The following TTC39B variants were observed in gnomAD, a reference collection of about 807,000 sequenced individuals.
TTC39B encodes the protein tetratricopeptide repeat protein 39B.
In TTC39B, 92 loss-of-function variants were observed where a neutral mutation model predicts 96.6. The ratio of observed to expected loss-of-function variants is 0.95; its 90% CI spans 0.80 to 1.13. TTC39B has a LOEUF of 1.13. TTC39B is among the 50% of genes most tolerant of loss of function. The pLI, the probability that TTC39B is intolerant of heterozygous loss-of-function variation, is 0.00. For missense variants in TTC39B, 955 were observed against 809.3 expected, an observed-to-expected ratio of 1.18 and a Z score of -2.18; for synonymous variants, 367 against 299.4, an observed-to-expected ratio of 1.23 and a Z score of -2.33.
At chr9:15,260,385 G>A (rs1822901353) in intron 2 of TTC39B, among the ~76,000 whole-genome samples, 1 of 150,022 alleles carries the variant, frequency 6.7e-6, no homozygotes, top group South Asian at 2.1e-4. Context: ...ATTAAGAGAG[G>A]ACAAAACTCC....
chr9:15,284,924 C>G (rs1315965107), intron 1 of TTC39B, among the ~76,000 whole-genome samples: 2 of 152,044 alleles, frequency 1.3e-5, no homozygotes, highest in African/African-American at 4.8e-5. Context: ...AAAATTCAAG[C>G]CAATTAAGGT....
At chr9:15,210,348 G>C (rs1348140599) in intron 5 of TTC39B, among the ~76,000 whole-genome samples, 184 bp from the exon 6 acceptor site, 2 of 152,212 alleles carry the variant, frequency 1.3e-5, no homozygotes, top group African/African-American at 4.8e-5. Flanking sequence ...GCACTGGCTA[G>C]CCATTTGTGG....
At chr9:15,215,155 A>G (rs908652412) in intron 3 of TTC39B, among the ~76,000 whole-genome samples, 5 of 152,048 alleles carry the variant, frequency 3.3e-5, no homozygotes, top group African/African-American at 1.2e-4. Flanking sequence ...CAGGCATTGC[A>G]GTGGGAGGAT....
intron 2 of TTC39B, among the ~76,000 whole-genome samples, chr9:15,240,902 C>G (rs1564379735): frequency 6.6e-6 from 1 of 152,108 alleles, no homozygotes; most frequent in Non-Finnish European, 1.5e-5. Flanking sequence ...CTATTATATT[C>G]CTGAACTGCT....
chr9:15,164,933 A>T (rs1428983566), exon 20 of TTC39B: 1 of 152,274 alleles, frequency 6.6e-6, no homozygotes. Context: ...CCTAAGATTT[A>T]AAATGTTTAC....
intron 1 of TTC39B, among the ~76,000 whole-genome samples, chr9:15,285,078 G>A: frequency 6.6e-6 from 1 of 151,922 alleles, no homozygotes; most frequent in East Asian, 1.9e-4. Flanking sequence ...TGGCTAACAC[G>A]GTGAAACCCC....
At chr9:15,236,763 C>A (rs935993118) in intron 2 of TTC39B, among the ~76,000 whole-genome samples, 1 of 152,100 alleles carries the variant, frequency 6.6e-6, no homozygotes, top group African/African-American at 2.4e-5. Flanking sequence ...TAAAAAAATT[C>A]TTTTAAATGA....
At chr9:15,244,177 G>T (rs1328119775) in intron 2 of TTC39B, among the ~76,000 whole-genome samples, 2 of 152,240 alleles carry the variant, frequency 1.3e-5, no homozygotes, top group Non-Finnish European at 2.9e-5. Context: ...CATTTTGCTA[G>T]TTTTCTTTGC....
chr9:15,246,195 G>T (rs997576251), intron 2 of TTC39B, among the ~76,000 whole-genome samples: 1 of 152,182 alleles, frequency 6.6e-6, no homozygotes, highest in Non-Finnish European at 1.5e-5. Context: ...AGAGGTTGTG[G>T]TGAGCCGAGA....
chr9:15,218,705 C>A (rs748783926), intron 3 of TTC39B, among the ~76,000 whole-genome samples: 29 of 151,628 alleles, frequency 1.9e-4, no homozygotes, highest in Non-Finnish European at 3.7e-4. Flanking sequence ...CACTTACATT[C>A]CAATTCTTAC....
At position 15,235,048 on chromosome 9, in the gene TTC39B, A is replaced by ATAAATAAATAAATAAAT. The variant is rs749210643; in HGVS notation, c.276-9037_276-9036insATTTATTTATTTATTTA. Reference sequence around the variant, plus strand: ...CAATAAATAAATAAATAAATAAAACAAAAACAAAACAAAACAAAACAAAAA... The same window carrying ATAAATAAATAAATAAAT: ...CAATAAATAAATAAATAAATAAAACATAAATAAATAAATAAATAAAACAAAACAAAACAAAACAAAAA... On this transcript the variant is annotated intron_variant, in intron 2 of 19. Transcript: ENST00000512701. Among the ~76,000 whole-genome samples, 72 of 151,284 alleles carry ATAAATAAATAAATAAAT rather than the reference A, an allele frequency of 4.8e-4. 1 individual carries two copies. The highest frequency in any genetic ancestry group is 7.8e-4 in the Non-Finnish European group (53 of 67,810).
At chr9:15,219,077 A>T (rs997937620) in intron 3 of TTC39B, among the ~76,000 whole-genome samples, 8 of 152,230 alleles carry the variant, frequency 5.3e-5, no homozygotes, top group African/African-American at 1.9e-4. Context: ...AAAATTTTGA[A>T]ACATAAAAGT....
chr9:15,194,262 C>T (rs1311508972), intron 8 of TTC39B, among the ~76,000 whole-genome samples: 2 of 152,084 alleles, frequency 1.3e-5, no homozygotes, highest in Non-Finnish European at 2.9e-5. Context: ...TCTTATGTTT[C>T]CTGCTAGAAT....
intron 7 of TTC39B, among the ~76,000 whole-genome samples, chr9:15,203,516 C>T (rs1027991400): frequency 6.6e-6 from 1 of 151,980 alleles, no homozygotes; most frequent in Admixed American, 6.6e-5. Context: ...CCACCTCAGC[C>T]TCCCAAACTG....
In TTC39B at chr9:15,213,681, T is replaced by G. The variant is rs1466212912; in HGVS notation, c.482+458A>C. 2.6e-5 allele frequency among the ~76,000 whole-genome samples: 4 copies of G among 152,330 alleles called. No homozygotes were observed. In the East Asian group the frequency reaches 7.7e-4, roughly 29 times the overall value. ...ACATCTGAAAACTTAACAGGTACTATTAATTGAAATTAAATTGCTTGTTTT... is the reference window on the plus strand; with the variant it reads ...ACATCTGAAAACTTAACAGGTACTAGTAATTGAAATTAAATTGCTTGTTTT... On this transcript the variant is annotated intron_variant, in intron 4 of 19. Coordinates refer to ENST00000512701, the Ensembl canonical transcript of TTC39B.
At chr9:15,294,860 G>A (rs532404041) in intron 1 of TTC39B, among the ~76,000 whole-genome samples, 1 of 152,254 alleles carries the variant, frequency 6.6e-6, no homozygotes, top group African/African-American at 2.4e-5. Flanking sequence ...CACGATAAGC[G>A]CTGCATAGGC....
intron 7 of TTC39B, among the ~76,000 whole-genome samples, chr9:15,201,363 A>G (rs1464683667): frequency 6.6e-6 from 1 of 152,148 alleles, no homozygotes; most frequent in Admixed American, 6.5e-5. Context: ...TGAAAGTAAT[A>G]CAATATGTTA....
chr9:15,223,463 T>G (rs1212194414), intron 3 of TTC39B, among the ~76,000 whole-genome samples: 1 of 152,234 alleles, frequency 6.6e-6, no homozygotes, highest in Admixed American at 6.5e-5. Context: ...TCTCCTTGGC[T>G]GCCTCACAAC....
At chr9:15,206,687 A>T (rs561910930) in intron 6 of TTC39B, among the ~76,000 whole-genome samples, 285 of 152,268 alleles carry the variant, frequency 1.9e-3, no homozygotes, top group South Asian at 4.4e-3. Flanking sequence ...GTTTATTTAG[A>T]TATGAAAGTC....
Sources: gnomAD v4.1 joint callset for allele counts (sites outside exome capture counted in the v4.1 genomes callset) on GRCh38, gnomAD v4.1.1 for gene constraint, MANE v1.5 for transcripts, NCBI Gene and HGNC (gene_info 2026-07-23, HGNC 2026-07-21) for gene names.